Variants in RYR3 observed in about 807,000 individuals in gnomAD.
RYR3 encodes the protein brain ryanodine receptor-calcium release channel.
A neutral mutation model predicts 584.3 loss-of-function variants in RYR3; 207 were observed. The observed-to-expected ratio is 0.35, with a 90% CI of 0.32 to 0.40. The LOEUF (loss-of-function observed/expected upper bound fraction) is 0.40, where lower values mean the gene tolerates loss of function less well. Among genes scored for constraint, RYR3 ranks in the 10% least tolerant of loss-of-function variants. The pLI is 1.00. For missense variants in RYR3, 5,616 were observed against 6,089.2 expected (o/e 0.92, Z 2.59); for synonymous variants, 2,416 against 2,248.5 (o/e 1.07, Z -2.11).
intron 42 of RYR3, 44 bp from the exon 43 acceptor site, chr15:33,706,875 A>T (rs375774963): frequency 6.5e-7 from 1 of 1,548,070 alleles, no homozygotes; most frequent in African/African-American, 1.4e-5. Context: ...TTTAATAGCC[A>T]TCCTAATGCG....
At chr15:33,430,770 T>C (rs1372580246) in intron 1 of RYR3, among the ~76,000 whole-genome samples, 1 of 152,204 alleles carries the variant, frequency 6.6e-6, no homozygotes, top group Non-Finnish European at 1.5e-5. Flanking sequence ...ACGTTGCTCA[T>C]TTACTTCTCA....
At position 33,838,157 on chromosome 15, in the gene RYR3, C is replaced by A. The variant is rs374195884; in HGVS notation, c.12177C>A (p.Pro4059=). 1.2e-5 allele frequency: 20 copies of A among 1,613,684 alleles called. No homozygotes were observed. Among genetic ancestry groups the A allele is most frequent in the African/African-American group, 4.0e-5 (3 of 74,840 alleles). The change falls in exon 89 of 104, where the codon CCC becomes CCA. Residue 4059 remains proline (P), a synonymous_variant. Transcript: ENST00000634891. ...CCAGTCGCACTCAGTGGGAGAAGCC[C>A]CAGGTGAAGGAATCTAAGCGACAGT... ...SESSRTQWEK[P]QVKESKRQFI... is the part of the protein sequence containing the mutation.
chr15:33,435,831 G>A (rs776566214), intron 1 of RYR3, among the ~76,000 whole-genome samples: 3 of 152,208 alleles, frequency 2.0e-5, no homozygotes, highest in African/African-American at 4.8e-5. Flanking sequence ...TTATTATGAA[G>A]AGCTACAGAA....
Position 33,854,375 on chromosome 15 carries a change from T to A in RYR3, c.13800-14T>A, listed in dbSNP as rs1310291679. 6.4e-7 allele frequency: 1 copy of A among 1,555,948 alleles called. No individual in the cohort carries two copies. Among genetic ancestry groups the A allele is most frequent in the Non-Finnish European group, 8.7e-7 (1 of 1,150,368 alleles). ...TGACATTTATAAGTTTTAAAATCAC[T>A]TGTTCTTCTCTAGGCTAAGTTCCAT... is the stretch of plus-strand genomic sequence containing the variant. On this transcript the variant is annotated splice_polypyrimidine_tract_variant and intron_variant, in intron 96 of 103. Coordinates refer to ENST00000634891, the MANE Select transcript of RYR3 (RefSeq NM_001036.6).
At chr15:33,382,692 G>A (rs369280439) in intron 1 of RYR3, among the ~76,000 whole-genome samples, 2 of 151,990 alleles carry the variant, frequency 1.3e-5, no homozygotes, top group Non-Finnish European at 2.9e-5. Context: ...TTCATATGAC[G>A]TAATCTTCAA....
intron 1 of RYR3, among the ~76,000 whole-genome samples, chr15:33,319,316 G>A (rs967828243): frequency 1.3e-5 from 2 of 151,976 alleles, no homozygotes; most frequent in Non-Finnish European, 2.9e-5. Flanking sequence ...ACATCATATC[G>A]ACCAGAAGCC....
At chr15:33,317,683 G>T (rs964919056) in intron 1 of RYR3, among the ~76,000 whole-genome samples, 3 of 152,136 alleles carry the variant, frequency 2.0e-5, no homozygotes, top group Admixed American at 1.3e-4. Flanking sequence ...ATTCCCGGTT[G>T]TTAGAAAACA....
intron 31 of RYR3, among the ~76,000 whole-genome samples, chr15:33,651,623 T>G (rs2062471726): frequency 6.6e-6 from 1 of 152,192 alleles, no homozygotes; most frequent in East Asian, 1.9e-4. Context: ...TCTCAGAGTT[T>G]ACAGGATCTA....
rs761646876 is a variant in RYR3 at position 33,731,668 on chromosome 15, A to G, written c.7398A>G (p.Ile2466Met). The change falls in exon 48 of 104, where the codon ATA becomes ATG. Residue 2466 changes from isoleucine to methionine, a missense_variant. Ile to Met is a conservative substitution (Grantham distance 10). Transcript: ENST00000634891. ...TCACCAAAGCACAAAGGGACACTAT[A>G]GAAGAATGTTTGCTTGCCATTTGCA... ...RSLTKAQRDT[I>M]EECLLAICNH... 1.9e-6 allele frequency: 3 copies of G among 1,612,722 alleles called. No individual in the cohort carries two copies. The Admixed American group carries it at 5.0e-5, about 27-fold the overall frequency.
At chr15:33,457,596 G>C (rs892383791) in intron 1 of RYR3, among the ~76,000 whole-genome samples, 11 of 152,130 alleles carry the variant, frequency 7.2e-5, no homozygotes, top group African/African-American at 2.2e-4. Flanking sequence ...GGGGAAAGAG[G>C]ATAAGAGATT....
chr15:33,496,899 A>C, intron 2 of RYR3, among the ~76,000 whole-genome samples: 1 of 152,158 alleles, frequency 6.6e-6, no homozygotes, highest in East Asian at 1.9e-4. Flanking sequence ...TCTCGTGTAC[A>C]GTAGATCTGT....
At chr15:33,578,957 A>G (rs1394150218) in intron 12 of RYR3, among the ~76,000 whole-genome samples, 1 of 152,140 alleles carries the variant, frequency 6.6e-6, no homozygotes, top group Non-Finnish European at 1.5e-5. Context: ...ATGAAGGGTC[A>G]TTTTGTTATC....
chr15:33,672,790 T>G (rs762788446), intron 38 of RYR3, among the ~76,000 whole-genome samples: 3 of 152,228 alleles, frequency 2.0e-5, no homozygotes, highest in Admixed American at 2.0e-4. Flanking sequence ...AGAAACGTTA[T>G]ACAATGAATT....
At chr15:33,719,561 G>T (rs760294463) in intron 43 of RYR3, among the ~76,000 whole-genome samples, 1 of 152,104 alleles carries the variant, frequency 6.6e-6, no homozygotes, top group Non-Finnish European at 1.5e-5. Context: ...AAATTTCAAC[G>T]TTTTAGCTTT....
intron 1 of RYR3, among the ~76,000 whole-genome samples, chr15:33,437,339 C>A (rs1004433118): frequency 1.3e-5 from 2 of 152,202 alleles, no homozygotes; most frequent in African/African-American, 4.8e-5. Context: ...TTAACATTTT[C>A]CTCATGGTTA....
intron 3 of RYR3, among the ~76,000 whole-genome samples, chr15:33,527,930 G>GA (rs1451646599): frequency 1.3e-5 from 2 of 152,144 alleles, no homozygotes; most frequent in African/African-American, 4.8e-5. Context: ...TGAGTAGTGG[G>GA]ATACAGAGTA....
At chr15:33,517,223 G>A (rs928477169) in intron 3 of RYR3, among the ~76,000 whole-genome samples, 11 of 152,126 alleles carry the variant, frequency 7.2e-5, no homozygotes, top group African/African-American at 1.9e-4. Flanking sequence ...TTGAACTCCC[G>A]ACCTCGTGAT....
chr15:33,748,241 G>T lies in RYR3; in HGVS notation c.8117G>T (p.Ser2706Ile), dbSNP rs201561672. ...VQQRENEKLR[S>I]VSQANQGNSY... is the part of the protein sequence containing the mutation. ...CAGCGGGAAAATGAGAAGCTTCGAA[G>T]TGTGTCCCAGGCCAACCAGGTATGA... is the stretch of plus-strand genomic sequence containing the variant. The change falls in exon 54 of 104, where the codon AGT (serine) becomes ATT (isoleucine). Residue 2706 changes from serine (S) to isoleucine (I), a missense_variant. By Grantham distance (142) the Ser-to-Ile change is moderately radical (BLOSUM62 -2). Coordinates refer to ENST00000634891, the MANE Select transcript of RYR3 (RefSeq NM_001036.6). The T allele has an allele frequency of 2.5e-4, 409 of 1,613,882 alleles. 3 individuals are homozygous for T. In the Admixed American group the frequency reaches 6.0e-3, roughly 24 times the overall value.
chr15:33,825,674 C>A lies in RYR3; in HGVS notation c.11144C>A (p.Thr3715Lys). 2.1e-6 allele frequency: 3 copies of A among 1,459,968 alleles called. No homozygotes were observed. Among genetic ancestry groups the A allele is most frequent in the East Asian group, 2.4e-5 (1 of 41,768 alleles). 90.4% of individuals were successfully genotyped at this position (1,459,968 alleles called of 1,614,324 possible). A position where few individuals can be genotyped will look rare whatever the true frequency, so the allele number is the denominator to read the frequency against. Residue 3715 changes from threonine (T) to lysine (K), a missense_variant and splice_region_variant, in exon 82 of 104, where the codon ACA (threonine) becomes AAA (lysine). This residue lies in a region of RYR3 where 954 missense variants were observed against 1,132.2 expected (regional missense o/e 0.84). Coordinates refer to ENST00000634891, the MANE Select transcript of RYR3 (RefSeq NM_001036.6). ...EGLGMVTEEG[T>K]LIVRERGEKV... ...CTGGGGATGGTGACTGAAGAAGGAA[C>A]ACGTAAGTAACTAATGAATGTGAAG... is the stretch of plus-strand genomic sequence containing the variant.
Sources: allele counts gnomAD v4.1 joint callset (sites outside exome capture counted in the v4.1 genomes callset), GRCh38; gene constraint gnomAD v4.1.1; regional missense constraint gnomAD v4.1.1; transcripts MANE v1.5; gene names NCBI Gene and HGNC (gene_info 2026-07-23, HGNC 2026-07-21).